Variants in LARP1B observed in about 807,000 individuals in gnomAD.
The protein encoded by LARP1B is La ribonucleoprotein 1B, also known as la-related protein 1B.
In LARP1B, 76 loss-of-function variants were observed where a neutral mutation model predicts 114.2. The observed-to-expected ratio is 0.67, with a 90% CI of 0.55 to 0.81. The LOEUF (loss-of-function observed/expected upper bound fraction) is 0.81, where lower values mean the gene tolerates loss of function less well. Ranked by LOEUF, LARP1B falls within the 30% of genes least tolerant of loss-of-function variation. The pLI, the probability that LARP1B is intolerant of heterozygous loss-of-function variation, is 0.00. For synonymous variants in LARP1B, 345 were observed against 348.0 expected (o/e 0.99, Z 0.10); for missense variants, 1,014 against 1,075.8 (o/e 0.94, Z 0.80).
At chr4:128,100,519 G>A (rs1779934006) in intron 8 of LARP1B, among the ~76,000 whole-genome samples, 2 of 152,072 alleles carry the variant, frequency 1.3e-5, no homozygotes, top group African/African-American at 4.8e-5. Flanking sequence ...TGATCTGCCC[G>A]CCTCAGCCTC....
chr4:128,117,822 G>C lies in LARP1B; in HGVS notation c.1161+3080G>C, dbSNP rs368259929. Among the ~76,000 whole-genome samples the C allele has an allele frequency of 9.9e-5, 15 of 151,844 alleles. No homozygotes were observed. In the East Asian group the frequency reaches 1.9e-3, roughly 20 times the overall value. On this transcript the variant is annotated intron_variant, in intron 10 of 19. Transcript: ENST00000326639. ...GGTGTGAACCACCACACCTGGCCTTGCTTGAGATTTTTAAGATCATTTCTT... is the reference window on the plus strand; with the variant it reads ...GGTGTGAACCACCACACCTGGCCTTCCTTGAGATTTTTAAGATCATTTCTT...
At chr4:128,145,325 G>A (rs1408533643) in intron 11 of LARP1B, among the ~76,000 whole-genome samples, 2 of 152,150 alleles carry the variant, frequency 1.3e-5, no homozygotes, top group East Asian at 3.8e-4. Flanking sequence ...TTTCTAAGCT[G>A]TATCACACAT....
intron 11 of LARP1B, among the ~76,000 whole-genome samples, chr4:128,144,751 A>T (rs7378421): frequency 0.66 from 99,544 of 151,958 alleles, 33,707 homozygotes; most frequent in African/African-American, 0.83. Flanking sequence ...CGTCCAAGTA[A>T]AAGTTTTTCA....
At position 128,210,079 on chromosome 4, in the gene LARP1B, T is replaced by C; in HGVS notation, c.*26T>C. 1.9e-6 allele frequency: 3 copies of C among 1,613,208 alleles called. No individual in the cohort carries two copies. Among genetic ancestry groups the C allele is most frequent in the Non-Finnish European group, 2.5e-6 (3 of 1,179,322 alleles). On this transcript the variant is annotated 3_prime_UTR_variant, in exon 20 of 20. Coordinates refer to ENST00000326639, the MANE Select transcript of LARP1B (RefSeq NM_018078.4). ...ACAGTGCTGCCTGTGTCCTGTGGTC[T>C]CAAGAAATGGTGAAATGCCTGAGAA...
At chr4:128,076,725 C>G (rs991593271) in intron 3 of LARP1B, among the ~76,000 whole-genome samples, 1 of 152,080 alleles carries the variant, frequency 6.6e-6, no homozygotes, top group African/African-American at 2.4e-5. Context: ...CACTCACTCT[C>G]TTTTTTGTGT....
At chr4:128,190,024 T>A (rs186437693) in intron 15 of LARP1B, among the ~76,000 whole-genome samples, 36 of 152,386 alleles carry the variant, frequency 2.4e-4, no homozygotes, top group Admixed American at 2.2e-3. Flanking sequence ...GTGAGTTTTA[T>A]ACCTTCAAAC....
chr4:128,131,604 G>T (rs1791598001), intron 11 of LARP1B, among the ~76,000 whole-genome samples: 1 of 152,128 alleles, frequency 6.6e-6, no homozygotes, highest in Non-Finnish European at 1.5e-5. Flanking sequence ...TGTATTCCCA[G>T]CTACTCCAGA....
chr4:128,119,008 G>A (rs1053044526), intron 10 of LARP1B, among the ~76,000 whole-genome samples: 1 of 151,618 alleles, frequency 6.6e-6, no homozygotes, highest in Non-Finnish European at 1.5e-5. Flanking sequence ...AGCCTCCCGA[G>A]TAGCTGGGAT....
chr4:128,131,942 T>TTA (rs1791700385), intron 11 of LARP1B, among the ~76,000 whole-genome samples: 1 of 152,180 alleles, frequency 6.6e-6, no homozygotes, highest in Non-Finnish European at 1.5e-5. Context: ...ATTGGAACCC[T>TTA]TATACTCTGC....
intron 11 of LARP1B, chr4:128,155,288 CACAGTAGAGGGCCAAG>C: frequency 2.3e-6 from 1 of 437,578 alleles, no homozygotes; most frequent in African/African-American, 2.0e-5. Context: ...TGTGTGAAGG[CACAGTAGAGGGCCAAG>C]ACAGTAAAAC....
At chr4:128,096,107 C>T (rs932657567) in intron 7 of LARP1B, among the ~76,000 whole-genome samples, 3 of 151,630 alleles carry the variant, frequency 2.0e-5, no homozygotes, top group Admixed American at 6.6e-5. Context: ...CATTCTCCTG[C>T]CTCAGCCTCC....
intron 9 of LARP1B, among the ~76,000 whole-genome samples, chr4:128,113,351 C>G (rs916227003): frequency 7.3e-6 from 1 of 136,704 alleles, no homozygotes; most frequent in Non-Finnish European, 1.6e-5. Context: ...TTCTTTTTTT[C>G]TTTTTTTTTT....
chr4:128,079,362 T>C (rs1178608567), intron 4 of LARP1B, among the ~76,000 whole-genome samples: 1 of 152,044 alleles, frequency 6.6e-6, no homozygotes, highest in Admixed American at 6.6e-5. Flanking sequence ...CCCAAAGTGC[T>C]AGGATTACAG....
chr4:128,187,671 G>A (rs528745181), intron 15 of LARP1B, among the ~76,000 whole-genome samples: 5 of 152,326 alleles, frequency 3.3e-5, no homozygotes, highest in African/African-American at 1.2e-4. Context: ...ATTTTGCAAT[G>A]TGAGAAGGAC....
At chr4:128,108,184 T>C in intron 9 of LARP1B, 1 of 1,225,578 alleles carries the variant, frequency 8.2e-7, no homozygotes, top group Non-Finnish European at 1.0e-6. Context: ...GCTGCTTTTA[T>C]TCATGGTGGG....
chr4:128,112,019 G>T (rs1024359264), intron 9 of LARP1B, among the ~76,000 whole-genome samples: 4 of 150,998 alleles, frequency 2.6e-5, no homozygotes, highest in Admixed American at 2.0e-4. Flanking sequence ...TTCATGTATG[G>T]TTCATTAAAA....
downstream of LARP1B, chr4:128,222,765 C>T (rs1760109837): frequency 1.2e-5 from 2 of 160,464 alleles, no homozygotes; most frequent in East Asian, 1.8e-4. Flanking sequence ...TAGCAAATTA[C>T]ATTGGTGTCT....
At chr4:128,218,209 GC>G (rs2150984307) in intron 6 of LARP1B, among the ~76,000 whole-genome samples, 1 of 102,124 alleles carries the variant, frequency 9.8e-6, no homozygotes, top group African/African-American at 3.8e-5. Flanking sequence ...TGTGAAAATG[GC>G]CATACTGCCC....
At chr4:128,084,574 A>G (rs867918363) in intron 5 of LARP1B, among the ~76,000 whole-genome samples, 8 of 151,516 alleles carry the variant, frequency 5.3e-5, no homozygotes, top group African/African-American at 2.0e-4. Context: ...AGATGGCAGC[A>G]GTACAGTCCA....
Sources: gnomAD v4.1 joint callset for allele counts (sites outside exome capture counted in the v4.1 genomes callset) on GRCh38, gnomAD v4.1.1 for gene constraint, MANE v1.5 for transcripts, NCBI Gene and HGNC (gene_info 2026-07-23, HGNC 2026-07-21) for gene names.